The following KIAA1549L variants were observed in gnomAD, a reference collection of about 807,000 sequenced individuals.
The protein encoded by KIAA1549L is UPF0606 protein KIAA1549L.
KIAA1549L carries 88 observed loss-of-function variants against 160.7 expected under a neutral mutation model. The observed-to-expected ratio is 0.55, with a 90% CI of 0.46 to 0.65. The LOEUF is 0.65. Ranked by LOEUF, KIAA1549L falls within the 30% of genes least tolerant of loss-of-function variation. The pLI, the probability that KIAA1549L is intolerant of heterozygous loss-of-function variation, is 0.00. For missense variants in KIAA1549L, 2,258 were observed against 2,437.5 expected, an observed-to-expected ratio of 0.93 and a Z score of 1.55; for synonymous variants, 950 against 976.7, an observed-to-expected ratio of 0.97 and a Z score of 0.51.
chr11:33,550,052 A>C (rs540931609), intron 4 of KIAA1549L, among the ~76,000 whole-genome samples: 5 of 151,922 alleles, frequency 3.3e-5, no homozygotes, highest in Non-Finnish European at 5.9e-5. Context: ...CAAAAAAAAA[A>C]AACACAAAAT....
At chr11:33,512,577 C>G (rs985619468) in intron 1 of KIAA1549L, among the ~76,000 whole-genome samples, 2 of 152,018 alleles carry the variant, frequency 1.3e-5, no homozygotes, top group African/African-American at 4.8e-5. Flanking sequence ...TACCTGCTAC[C>G]ACCCCCAGAT....
At chr11:33,609,233 A>G (rs1274888429) in intron 14 of KIAA1549L, among the ~76,000 whole-genome samples, 4 of 152,260 alleles carry the variant, frequency 2.6e-5, no homozygotes, top group Non-Finnish European at 5.9e-5. Flanking sequence ...GCAGGTTGAC[A>G]GTGTGGAAAG....
intron 1 of KIAA1549L, among the ~76,000 whole-genome samples, chr11:33,515,308 GT>G (rs1398993978): frequency 6.6e-6 from 1 of 152,176 alleles, no homozygotes; most frequent in Non-Finnish European, 1.5e-5. Context: ...AGTGTTCTCT[GT>G]TTTGGCATGT....
At chr11:33,630,841 A>G (rs1232362925) in intron 16 of KIAA1549L, among the ~76,000 whole-genome samples, 9 of 152,084 alleles carry the variant, frequency 5.9e-5, no homozygotes, top group African/African-American at 2.2e-4. Context: ...TCTCTACATG[A>G]TTTTTACCTA....
intron 1 of KIAA1549L, among the ~76,000 whole-genome samples, chr11:33,441,469 A>G (rs36179051): frequency 0.21 from 29,922 of 143,898 alleles, 3,500 homozygotes; most frequent in Middle Eastern, 0.31. Flanking sequence ...TGGTATTTCT[A>G]GTTCTAGATC....
chr11:33,641,887 G>A lies in KIAA1549L; in HGVS notation c.5410-3799G>A, dbSNP rs181087237. Among the ~76,000 whole-genome samples the A allele has an allele frequency of 2.9e-3, 435 of 152,024 alleles. 3 individuals are homozygous for A. The highest frequency in any genetic ancestry group is 0.01 in the African/African-American group (418 of 41,518). On this transcript the variant is annotated intron_variant, in intron 16 of 20. Coordinates refer to ENST00000658780, the MANE Select transcript of KIAA1549L (RefSeq NM_012194.3). Reference sequence around the variant, plus strand: ...GCTATTATTGGTATTGTTATTATTTGTTTCCTGCCATTGACTGGGAGCTCC... The same window carrying A: ...GCTATTATTGGTATTGTTATTATTTATTTCCTGCCATTGACTGGGAGCTCC...
rs192852098 is a variant in KIAA1549L, at chr11:33,460,903, C to T, written c.239-80899C>T. Among the ~76,000 whole-genome samples, 66 of 152,136 alleles carry T rather than the reference C, an allele frequency of 4.3e-4. 1 individual carries two copies. The highest frequency in any genetic ancestry group is 3.9e-3 in the Admixed American group (59 of 15,278). The stretch of plus-strand genomic sequence containing the variant: ...ACACATGTTTATAAGCTGAGCAAAA[C>T]GTTCTGGGAGGCAGACACCAAAGTG... On this transcript the variant is annotated intron_variant, in intron 1 of 20. Coordinates refer to ENST00000658780, the MANE Select transcript of KIAA1549L (RefSeq NM_012194.3).
At chr11:33,507,722 G>A (rs986633864) in intron 1 of KIAA1549L, among the ~76,000 whole-genome samples, 7 of 152,242 alleles carry the variant, frequency 4.6e-5, no homozygotes, top group Middle Eastern at 3.4e-3. Flanking sequence ...ACAGTACCCC[G>A]AACAGAGTAA....
At chr11:33,574,536 C>G (rs73492932) in intron 9 of KIAA1549L, among the ~76,000 whole-genome samples, 166 bp from the exon 10 acceptor site, 1 of 152,186 alleles carries the variant, frequency 6.6e-6, no homozygotes, top group South Asian at 2.1e-4. Flanking sequence ...CCTGCTCCAG[C>G]GAGAGCAGGC....
At chr11:33,406,892 C>T (rs1051330022) in intron 1 of KIAA1549L, among the ~76,000 whole-genome samples, 2 of 152,112 alleles carry the variant, frequency 1.3e-5, no homozygotes, top group African/African-American at 4.8e-5. Flanking sequence ...TAGATTGGCT[C>T]CAGCCCTCCT....
At chr11:33,387,097 ACT>A (rs1850188947) in intron 1 of KIAA1549L, among the ~76,000 whole-genome samples, 1 of 152,010 alleles carries the variant, frequency 6.6e-6, no homozygotes, top group Non-Finnish European at 1.5e-5. Flanking sequence ...ACATAGCAAG[ACT>A]CTGTCTCAAA....
At chr11:33,611,092 T>G (rs1564923187) in intron 15 of KIAA1549L, among the ~76,000 whole-genome samples, 1 of 152,244 alleles carries the variant, frequency 6.6e-6, no homozygotes, top group Non-Finnish European at 1.5e-5. Flanking sequence ...TGTTGCTGAC[T>G]AAGCAGAGTG....
At position 33,397,850 on chromosome 11, in the gene KIAA1549L, T is replaced by A. The variant is rs192990358; in HGVS notation, c.238+20961T>A. ...ATTTTTGAAAGGAAAAATCATATAG[T>A]TTTTTTTGTTTATTTGTTTTTTTTA... On this transcript the variant is annotated intron_variant, in intron 1 of 20. Transcript: ENST00000658780. 8.5e-5 allele frequency among the ~76,000 whole-genome samples: 11 copies of A among 129,194 alleles called. No individual in the cohort carries two copies. The East Asian group carries it at 2.2e-3, about 25-fold the overall frequency. The allele number at this position is 129,194 out of a possible 152,430, so 84.8% of individuals were successfully genotyped here.
At chr11:33,547,680 G>T in intron 3 of KIAA1549L, 84 bp from the exon 4 acceptor site, 1 of 812,430 alleles carries the variant, frequency 1.2e-6, no homozygotes. Context: ...CTTGCAGAAG[G>T]TGGTGGTTGG....
At chr11:33,493,811 A>G (rs900432029) in intron 1 of KIAA1549L, among the ~76,000 whole-genome samples, 3 of 152,172 alleles carry the variant, frequency 2.0e-5, no homozygotes, top group African/African-American at 7.2e-5. Flanking sequence ...TTGGGAATCA[A>G]ACTAAGCTGA....
chr11:33,570,562 G>A lies in KIAA1549L; in HGVS notation c.4230+2335G>A, dbSNP rs191430993. Among the ~76,000 whole-genome samples the A allele has an allele frequency of 2.1e-3, 325 of 152,196 alleles. 1 individual carries two copies. Among genetic ancestry groups the A allele is most frequent in the South Asian group, 3.5e-3 (17 of 4,820 alleles). ...TTTCCCCACCTCCTTTCCCACTAGG[G>A]AAAGGAATAACATGCCCCAGTTTCC... On this transcript the variant is annotated intron_variant, in intron 9 of 20. Coordinates refer to ENST00000658780, the MANE Select transcript of KIAA1549L (RefSeq NM_012194.3).
chr11:33,436,490 G>A (rs1368534758), intron 1 of KIAA1549L, among the ~76,000 whole-genome samples: 4 of 152,174 alleles, frequency 2.6e-5, no homozygotes, highest in African/African-American at 9.7e-5. Context: ...CTGGGGGAGG[G>A]CAGTCTGCTT....
intron 8 of KIAA1549L, among the ~76,000 whole-genome samples, chr11:33,567,473 G>A (rs1035716216): frequency 2.6e-5 from 4 of 152,244 alleles, no homozygotes; most frequent in Middle Eastern, 3.4e-3. Flanking sequence ...AGCATCTGAG[G>A]GGTTTGGGTA....
chr11:33,577,179 G>T (rs1271899534), intron 10 of KIAA1549L, among the ~76,000 whole-genome samples: 1 of 152,124 alleles, frequency 6.6e-6, no homozygotes, highest in Non-Finnish European at 1.5e-5. Context: ...CAAGAGGCAG[G>T]GCATGACAGG....
Sources: allele counts gnomAD v4.1 joint callset (sites outside exome capture counted in the v4.1 genomes callset), GRCh38; gene constraint gnomAD v4.1.1; transcripts MANE v1.5; gene names NCBI Gene and HGNC (gene_info 2026-07-23, HGNC 2026-07-21).